The following POLR3GL variants were observed in gnomAD, a reference collection of about 807,000 sequenced individuals.
The protein encoded by POLR3GL is DNA-directed RNA polymerase III subunit RPC7-like.
A neutral mutation model predicts 32.4 loss-of-function variants in POLR3GL; 26 were observed. The ratio of observed to expected loss-of-function variants is 0.80; its 90% CI spans 0.59 to 1.11. The LOEUF is 1.11. Ranked by LOEUF, POLR3GL falls within the 50% of genes most tolerant of loss-of-function variation. The pLI is 0.00. For missense variants in POLR3GL, 229 were observed against 280.1 expected (o/e 0.82, Z 1.30); for synonymous variants, 95 against 98.7 (o/e 0.96, Z 0.22).
Position 145,978,528 on chromosome 1 carries a change from A to G in POLR3GL, c.*81A>G, listed in dbSNP as rs2101945806. 1.1e-6 allele frequency: 1 copy of G among 927,876 alleles called. No homozygotes were observed. Among genetic ancestry groups the G allele is most frequent in the East Asian group, 2.4e-5 (1 of 41,738 alleles). 57.5% of individuals were successfully genotyped at this position (927,876 alleles called of 1,614,324 possible). A position where few individuals can be genotyped will look rare whatever the true frequency, so the allele number is the denominator to read the frequency against. On this transcript the variant is annotated 3_prime_UTR_variant, in exon 8 of 8. Coordinates refer to ENST00000369314, the MANE Select transcript of POLR3GL (RefSeq NM_032305.3). ...ATTATTTGTTTCTTCAGACAAGCAA[A>G]TCATTTGGTCAGAGTTCATATAATC... is the stretch of plus-strand genomic sequence containing the variant.
intron 3 of POLR3GL, among the ~76,000 whole-genome samples, chr1:145,975,940 T>G (rs1346545168): frequency 6.6e-6 from 1 of 151,930 alleles, no homozygotes; most frequent in Non-Finnish European, 1.5e-5. Context: ...ACGCTATTTC[T>G]TAATACAGCC....
chr1:145,976,970 TG>T, intron 3 of POLR3GL, 113 bp from the exon 4 acceptor site: 1 of 827,536 alleles, frequency 1.2e-6, no homozygotes, highest in Non-Finnish European at 2.0e-6. Flanking sequence ...CCCTGGGCTC[TG>T]GGTTTGGGGT....
At chr1:145,965,323 G>A (rs1285710564) in intron 1 of POLR3GL, among the ~76,000 whole-genome samples, 1 of 152,082 alleles carries the variant, frequency 6.6e-6, no homozygotes, top group African/African-American at 2.4e-5. Context: ...TTTTTGGGGA[G>A]GCAGAATTTA....
At chr1:145,965,328 A>C (rs1224039909) in intron 1 of POLR3GL, among the ~76,000 whole-genome samples, 2 of 152,226 alleles carry the variant, frequency 1.3e-5, no homozygotes, top group African/African-American at 4.8e-5. Context: ...GGGGAGGCAG[A>C]ATTTAAACTC....
intron 5 of POLR3GL, 104 bp downstream of exon 5, chr1:145,977,643 A>G (rs1050417346): frequency 7.6e-7 from 1 of 1,316,428 alleles, no homozygotes. Context: ...CCTATACCCA[A>G]TCTACCAAGT....
At chr1:145,967,664 C>T (rs1650099921) in intron 1 of POLR3GL, among the ~76,000 whole-genome samples, 1 of 152,228 alleles carries the variant, frequency 6.6e-6, no homozygotes. Context: ...TTTTCTCTGT[C>T]CACATCCACT....
intron 1 of POLR3GL, among the ~76,000 whole-genome samples, chr1:145,973,478 C>G (rs1229033809): frequency 2.0e-5 from 3 of 150,596 alleles, no homozygotes; most frequent in Non-Finnish European, 4.4e-5. Flanking sequence ...TTGGGAAGCC[C>G]AAGCAGGTGG....
rs1329495563 is a variant in POLR3GL, at chr1:145,978,413, A to G, written c.623A>G (p.Asp208Gly). ...YFDNGEDFGGDSDDNMDEAIY is the reference protein window; with the variant it reads ...YFDNGEDFGGGSDDNMDEAIY ...GACAATGGAGAGGACTTTGGTGGTG[A>G]CAGTGATGACAATATGGACGAGGCT... The change falls in exon 8 of 8, where the codon GAC (aspartate) becomes GGC (glycine). Residue 208 changes from aspartate (D) to glycine (G), a missense_variant. Asp to Gly is a moderately conservative substitution (Grantham distance 94). Coordinates refer to ENST00000369314, the MANE Select transcript of POLR3GL (RefSeq NM_032305.3). 1 of 1,611,492 alleles carries G rather than the reference A, an allele frequency of 6.2e-7. No homozygotes were observed. The highest frequency in any genetic ancestry group is 8.5e-7 in the Non-Finnish European group (1 of 1,177,926).
intron 1 of POLR3GL, among the ~76,000 whole-genome samples, chr1:145,968,432 T>C (rs926875522): frequency 9.2e-5 from 14 of 152,202 alleles, no homozygotes; most frequent in Non-Finnish European, 1.6e-4. Flanking sequence ...CTCATGGCCA[T>C]TTATTGACTC....
chr1:145,976,462 C>T (rs1259233401), intron 3 of POLR3GL, among the ~76,000 whole-genome samples: 1 of 148,004 alleles, frequency 6.8e-6, no homozygotes, highest in East Asian at 2.0e-4. Context: ...GCCTCTAATC[C>T]CAGCTGCTTG....
At chr1:145,972,672 T>C (rs1650373506) in intron 1 of POLR3GL, among the ~76,000 whole-genome samples, 1 of 152,184 alleles carries the variant, frequency 6.6e-6, no homozygotes, top group South Asian at 2.1e-4. Context: ...TCAATATGTT[T>C]ATTTTTTTCG....
At chr1:145,970,612 G>A (rs1332797377) in intron 1 of POLR3GL, among the ~76,000 whole-genome samples, 4 of 151,904 alleles carry the variant, frequency 2.6e-5, no homozygotes, top group African/African-American at 7.3e-5. Context: ...GGTGACTCAC[G>A]CCTGTAATCC....
chr1:145,977,061 AC>A, intron 3 of POLR3GL, 22 bp from the exon 4 acceptor site: 1 of 1,605,606 alleles, frequency 6.2e-7, no homozygotes, highest in South Asian at 1.1e-5. Context: ...AAGGGATAAA[AC>A]TTTGACCCTT....
chr1:145,966,706 T>C (rs1265365477), intron 1 of POLR3GL, among the ~76,000 whole-genome samples: 1 of 151,890 alleles, frequency 6.6e-6, no homozygotes, highest in African/African-American at 2.4e-5. Context: ...GGAGAATCAC[T>C]TGAACCCAGG....
intron 1 of POLR3GL, among the ~76,000 whole-genome samples, chr1:145,971,989 AATATATATATAT>A (rs1165893062): frequency 1.5e-5 from 1 of 66,966 alleles, no homozygotes; most frequent in African/African-American, 6.4e-5. Context: ...AAAAAAAAAA[AATATATATATAT>A]ATATATATAT....
At chr1:145,972,635 C>T (rs1481756270) in intron 1 of POLR3GL, among the ~76,000 whole-genome samples, 2 of 152,120 alleles carry the variant, frequency 1.3e-5, no homozygotes, top group African/African-American at 4.8e-5. Flanking sequence ...TTTCAGTTGG[C>T]TCTTATGTCC....
chr1:145,975,386 G>C lies in POLR3GL; in HGVS notation c.206G>C (p.Gly69Ala). ...YVLALKQELRGAMRQLPYFIR... is the reference protein window; with the variant it reads ...YVLALKQELRAAMRQLPYFIR... ...CTGGCACTGAAGCAAGAGCTACGAG[G>C]AGCCATGAGGCAGCTCCCCTACTTC... is the stretch of plus-strand genomic sequence containing the variant. The change falls in exon 3 of 8, where the codon GGA becomes GCA. Residue 69 changes from glycine (G) to alanine (A), a missense_variant. By Grantham distance (60) the Gly-to-Ala change is moderately conservative. Transcript: ENST00000369314. The C allele has an allele frequency of 6.2e-7, 1 of 1,614,130 alleles. No individual in the cohort carries two copies. Among genetic ancestry groups the C allele is most frequent in the East Asian group, 2.2e-5 (1 of 44,878 alleles).
At chr1:145,968,842 A>T (rs1553762281) in intron 1 of POLR3GL, among the ~76,000 whole-genome samples, 1 of 152,072 alleles carries the variant, frequency 6.6e-6, no homozygotes, top group Non-Finnish European at 1.5e-5. Context: ...AAGTGCTGGG[A>T]TTACAAGCAT....
chr1:145,974,942 A>G lies in POLR3GL; in HGVS notation c.77A>G (p.Lys26Arg), dbSNP rs141460438. Residue 26 changes from lysine (K) to arginine (R), a missense_variant, in exon 2 of 8, where the codon AAA becomes AGA. Lys to Arg is a conservative substitution (Grantham distance 26, BLOSUM62 2). Coordinates refer to ENST00000369314, the MANE Select transcript of POLR3GL (RefSeq NM_032305.3). ...TFNVEAVGIG[K>R]GDALPPPTLQ... ...AACGTGGAGGCCGTGGGCATTGGGAAAGGGGATGCTTTGCCCCCACCCACC... is the reference window on the plus strand; with the variant it reads ...AACGTGGAGGCCGTGGGCATTGGGAGAGGGGATGCTTTGCCCCCACCCACC... The G allele has an allele frequency of 1.8e-5, 28 of 1,518,892 alleles. No homozygotes were observed. Among genetic ancestry groups the G allele is most frequent in the Non-Finnish European group, 2.4e-5 (27 of 1,139,384 alleles). The allele number at this position is 1,518,892 out of a possible 1,614,324, so 94.1% of individuals were successfully genotyped here. A position where few individuals can be genotyped will look rare whatever the true frequency, so the allele number is the denominator to read the frequency against.
Sources: gnomAD v4.1 joint callset for allele counts (sites outside exome capture counted in the v4.1 genomes callset) on GRCh38, gnomAD v4.1.1 for gene constraint, MANE v1.5 for transcripts, NCBI Gene and HGNC (gene_info 2026-07-23, HGNC 2026-07-21) for gene names.